Variants in NID1 observed in about 807,000 individuals in gnomAD.
NID1 encodes the protein nidogen 1, also known as nidogen-1.
In NID1, 76 loss-of-function variants were observed where a neutral mutation model predicts 130.6. That is an observed-to-expected ratio of 0.58 (90% confidence interval 0.48 to 0.70). The LOEUF is 0.70. Among genes scored for constraint, NID1 ranks in the 30% least tolerant of loss-of-function variants. NID1 has a pLI of 0.00. For synonymous variants in NID1, 665 were observed against 675.1 expected (o/e 0.98, Z 0.23); for missense variants, 1,517 against 1,664.8 (o/e 0.91, Z 1.54).
At chr1:236,055,379 T>C (rs1161541846) in intron 1 of NID1, among the ~76,000 whole-genome samples, 2 of 151,936 alleles carry the variant, frequency 1.3e-5, no homozygotes, top group Non-Finnish European at 2.9e-5. Context: ...AGGACATCAA[T>C]GAAAGAAGAT....
Position 236,065,075 on chromosome 1 carries a change from AACATGTT to A in NID1, c.-3_4del. 1 of 1,550,038 alleles carries A rather than the reference AACATGTT, an allele frequency of 6.5e-7. No individual in the cohort carries two copies. Among genetic ancestry groups the A allele is most frequent in the Non-Finnish European group, 8.7e-7 (1 of 1,146,796 alleles). On this transcript the variant is annotated start_lost and 5_prime_UTR_variant, in exon 1 of 20. Coordinates refer to ENST00000264187, the MANE Select transcript of NID1 (RefSeq NM_002508.3). This position sits in a 1 kb window ranked among gnomAD's most constrained non-coding sequence, Gnocchi z 4.1. ...AGCCCGGATCCGGCTGCTCGAGGCC[AACATGTT>A]CCCGAACTGCGGTCCCGCAAACCCG...
chr1:236,038,557 T>G (rs1207035560), intron 4 of NID1, among the ~76,000 whole-genome samples: 5 of 152,056 alleles, frequency 3.3e-5, no homozygotes, highest in African/African-American at 1.2e-4. Flanking sequence ...GCATCAATGT[T>G]AGATTAGTGC....
In NID1 at chr1:235,985,444, A is replaced by G; in HGVS notation, c.2990T>C (p.Ile997Thr). 6.2e-7 allele frequency: 1 copy of G among 1,614,058 alleles called. No individual in the cohort carries two copies. Among genetic ancestry groups the G allele is most frequent in the Non-Finnish European group, 8.5e-7 (1 of 1,179,916 alleles). Residue 997 changes from isoleucine (I) to threonine (T), a missense_variant, in exon 15 of 20, where the codon ATC becomes ACC. Physicochemically the swap from Ile to Thr is moderately conservative, Grantham distance 89. This residue lies in a region of NID1 where 1,329 missense variants were observed against 1,429.2 expected (regional missense o/e 0.93). Transcript: ENST00000264187. ...CVDKMVYWTD[I>T]TEPSIGRASL... is the part of the protein sequence containing the mutation. ...AGCTCTCCCAATGGAAGGCTCAGTGATGTCCGTCCAGTAAACCATCTTGTC... is the reference window on the plus strand; with the variant it reads ...AGCTCTCCCAATGGAAGGCTCAGTGGTGTCCGTCCAGTAAACCATCTTGTC...
At chr1:236,014,867 G>T (rs1262905399) in intron 10 of NID1, among the ~76,000 whole-genome samples, 1 of 152,164 alleles carries the variant, frequency 6.6e-6, no homozygotes, top group Non-Finnish European at 1.5e-5. Context: ...GCTGACTTAT[G>T]GGCAAGCTGA....
Position 236,043,715 on chromosome 1 carries a change from G to A in NID1, c.753-1423C>T, listed in dbSNP as rs139388341. 5.7e-3 allele frequency among the ~76,000 whole-genome samples: 861 copies of A among 152,158 alleles called. 7 individuals are homozygous for A. The highest frequency in any genetic ancestry group is 0.019 in the African/African-American group (796 of 41,508). Reference sequence around the variant, plus strand: ...CGGGACGCTGAAGCAGGAGAATGGCGTGAACCCGGGAGGCAGAGCTTGCAG... The same window carrying A: ...CGGGACGCTGAAGCAGGAGAATGGCATGAACCCGGGAGGCAGAGCTTGCAG... On this transcript the variant is annotated intron_variant, in intron 3 of 19. Transcript: ENST00000264187.
At chr1:235,981,812 T>G (rs763287865) in intron 15 of NID1, 30 bp from the exon 16 acceptor site, 9 of 1,563,996 alleles carry the variant, frequency 5.8e-6, no homozygotes, top group Non-Finnish European at 7.8e-6. Flanking sequence ...TCCTCTAATT[T>G]TTTTTGTTTT....
chr1:236,047,612 G>A (rs1659641831), intron 2 of NID1, among the ~76,000 whole-genome samples: 2 of 152,036 alleles, frequency 1.3e-5, no homozygotes, highest in Admixed American at 1.3e-4. Context: ...CCACTCACAT[G>A]GTCCAAATGA....
At chr1:236,029,850 T>C (rs1279204512) in intron 6 of NID1, 100 bp from the exon 7 acceptor site, 2 of 1,070,286 alleles carry the variant, frequency 1.9e-6, no homozygotes, top group Non-Finnish European at 1.4e-6. Flanking sequence ...CGAACGCTTC[T>C]GCAGGTGCTT....
chr1:236,028,779 TA>T (rs571123687), intron 7 of NID1, among the ~76,000 whole-genome samples: 4 of 152,202 alleles, frequency 2.6e-5, no homozygotes, highest in African/African-American at 9.6e-5. Context: ...TGAAGCTAGA[TA>T]AATAGTATGT....
intron 1 of NID1, chr1:236,064,497 G>C (rs1660133674): frequency 4.3e-6 from 1 of 233,772 alleles, no homozygotes; most frequent in Admixed American, 6.1e-5. Flanking sequence ...ACCCGGGACC[G>C]GCCAGGTCCT....
intron 14 of NID1, among the ~76,000 whole-genome samples, chr1:235,985,724 TTGTGTGTGTGTG>T (rs759787113): frequency 8.1e-5 from 12 of 147,590 alleles, no homozygotes; most frequent in Admixed American, 3.4e-4. Context: ...GTATAGGAAT[TTGTGTGTGTGTG>T]TGTGTGTGTG....
chr1:235,979,672 GA>G lies in NID1; in HGVS notation c.3509+149del, dbSNP rs1251857966. 1 of 766,388 alleles carries G rather than the reference GA, an allele frequency of 1.3e-6. No homozygotes were observed. The highest frequency in any genetic ancestry group is 1.7e-5 in the African/African-American group (1 of 57,316). 47.5% of individuals were successfully genotyped at this position (766,388 alleles called of 1,614,324 possible). On this transcript the variant is annotated intron_variant, in intron 18 of 19. Transcript: ENST00000264187. This position sits in a 1 kb window ranked among gnomAD's most constrained non-coding sequence, Gnocchi z 4.6. ...CTCCTCTCTTGGCTCCTGACAACCAGAAGGATAAGGGAGAGGGGACATCTCT... is the reference window on the plus strand; with the variant it reads ...CTCCTCTCTTGGCTCCTGACAACCAGAGGATAAGGGAGAGGGGACATCTCT...
rs754003889 is a variant in NID1 at position 235,979,817 on chromosome 1, C to T, written c.3509+5G>A. On this transcript the variant is annotated splice_donor_5th_base_variant and intron_variant, in intron 18 of 19. Coordinates refer to ENST00000264187, the MANE Select transcript of NID1 (RefSeq NM_002508.3). This position sits in a 1 kb window ranked among gnomAD's most constrained non-coding sequence, Gnocchi z 4.6. ...ACGCAGCCCCCATGGCTACAGCTGA[C>T]GTACATCTTCCAGTCTGTGAAATAC... The T allele has an allele frequency of 2.3e-5, 37 of 1,613,310 alleles. No individual in the cohort carries two copies. Among genetic ancestry groups the T allele is most frequent in the East Asian group, 4.5e-5 (2 of 44,870 alleles).
rs1418065316 is a variant in NID1, at chr1:236,017,159, C to T, written c.2243G>A (p.Gly748Glu). ...CVEGYQFSDEGTCVAVVDQRP... is the reference protein window; with the variant it reads ...CVEGYQFSDEETCVAVVDQRP... The stretch of plus-strand genomic sequence containing the variant: ...CCTGGAGAACTTACCCACACACGTT[C>T]CCTCATCTGAAAACTGGTAGCCCTC... The change falls in exon 10 of 20, where the codon GGA becomes GAA. Residue 748 changes from glycine (G) to glutamate (E), a missense_variant. Gly to Glu is a moderately conservative substitution (Grantham distance 98, BLOSUM62 -2). Around this residue, in one of 3 missense-constraint regions of NID1, gnomAD observed 1,329 missense variants for 1,429.2 expected, o/e 0.93. Coordinates refer to ENST00000264187, the MANE Select transcript of NID1 (RefSeq NM_002508.3). 4 of 1,614,020 alleles carry T rather than the reference C, an allele frequency of 2.5e-6. No homozygotes were observed. The highest frequency in any genetic ancestry group is 2.7e-5 in the African/African-American group (2 of 74,922).
At chr1:235,998,359 C>G (rs1454937892) in intron 12 of NID1, among the ~76,000 whole-genome samples, 1 of 152,148 alleles carries the variant, frequency 6.6e-6, no homozygotes, top group Non-Finnish European at 1.5e-5. Context: ...AACAAAGATA[C>G]AAGCAAGCCA....
intron 4 of NID1, among the ~76,000 whole-genome samples, chr1:236,039,170 A>G (rs1001196808): frequency 8.9e-5 from 13 of 145,576 alleles, no homozygotes; most frequent in Admixed American, 3.5e-4. Context: ...AACAGATAAA[A>G]TATATTTATA....
chr1:236,005,985 C>A (rs1658236822), intron 12 of NID1, among the ~76,000 whole-genome samples: 1 of 152,100 alleles, frequency 6.6e-6, no homozygotes, highest in Non-Finnish European at 1.5e-5. Flanking sequence ...GGACTGGAAC[C>A]AGAAATAGAC....
At chr1:236,053,449 G>A (rs369128582) in intron 1 of NID1, among the ~76,000 whole-genome samples, 16 of 152,014 alleles carry the variant, frequency 1.1e-4, no homozygotes, top group East Asian at 3.9e-4. Flanking sequence ...CCAACAGCAC[G>A]CCCCCGCCCA....
At chr1:236,043,912 T>C (rs1262393659) in intron 3 of NID1, among the ~76,000 whole-genome samples, 2 of 152,230 alleles carry the variant, frequency 1.3e-5, no homozygotes, top group African/African-American at 4.8e-5. Context: ...GCAAATGAGA[T>C]ACAAAATCCA....
Sources: allele counts gnomAD v4.1 joint callset (sites outside exome capture counted in the v4.1 genomes callset), GRCh38; gene constraint gnomAD v4.1.1; regional missense constraint gnomAD v4.1.1; non-coding constraint Gnocchi (gnomAD v3.1); transcripts MANE v1.5; gene names NCBI Gene and HGNC (gene_info 2026-07-23, HGNC 2026-07-21).